Variants in CTNNA2 observed in about 807,000 individuals in gnomAD.
The protein encoded by CTNNA2 is catenin alpha 2.
A neutral mutation model predicts 101.0 loss-of-function variants in CTNNA2; 42 were observed. That is an observed-to-expected ratio of 0.42 (90% CI 0.32 to 0.54). The LOEUF is 0.54. CTNNA2 is among the 20% of genes least tolerant of loss of function. The probability of loss-of-function intolerance (pLI) is 0.14; values close to 1 mark genes in which losing one functional copy is unlikely to be tolerated. For synonymous variants in CTNNA2, 450 were observed against 456.4 expected (o/e 0.99, Z 0.18); for missense variants, 871 against 1,223.1 (o/e 0.71, Z 4.29).
At chr2:79,768,886 A>C (rs893167042) in intron 3 of CTNNA2, among the ~76,000 whole-genome samples, 6 of 151,874 alleles carry the variant, frequency 4.0e-5, no homozygotes, top group African/African-American at 1.5e-4. Flanking sequence ...ACTGAGTCTC[A>C]CTCTGTCGCC....
chr2:79,293,930 A>G (rs147737899), intron 2 of CTNNA2, among the ~76,000 whole-genome samples: 113 of 152,280 alleles, frequency 7.4e-4, no homozygotes, highest in African/African-American at 2.4e-3. Context: ...GGCCTCATCT[A>G]TAAAACGAGA....
intron 7 of CTNNA2, among the ~76,000 whole-genome samples, chr2:79,923,828 A>G (rs996882277): frequency 1.3e-5 from 2 of 152,116 alleles, no homozygotes; most frequent in African/African-American, 4.8e-5. Flanking sequence ...TCCACATAAA[A>G]TTGAGATTGT....
chr2:80,151,010 C>A (rs1331739102), intron 7 of CTNNA2, among the ~76,000 whole-genome samples: 1 of 152,134 alleles, frequency 6.6e-6, no homozygotes, highest in East Asian at 1.9e-4. Context: ...TGTCTAGAAT[C>A]CACAGAGGGC....
chr2:79,979,852 A>T (rs1274373634), intron 7 of CTNNA2, among the ~76,000 whole-genome samples: 1 of 152,178 alleles, frequency 6.6e-6, no homozygotes, highest in Non-Finnish European at 1.5e-5. Flanking sequence ...GCTTGGCTAG[A>T]TGTTGACTTA....
At chr2:80,041,701 A>G (rs192448664) in intron 7 of CTNNA2, among the ~76,000 whole-genome samples, 1 of 152,234 alleles carries the variant, frequency 6.6e-6, no homozygotes, top group Non-Finnish European at 1.5e-5. Context: ...TGGATAATAC[A>G]TAAAACAAAT....
At chr2:79,590,805 C>A (rs1463578021) in intron 1 of CTNNA2, among the ~76,000 whole-genome samples, 1 of 152,128 alleles carries the variant, frequency 6.6e-6, no homozygotes, top group African/African-American at 2.4e-5. Flanking sequence ...GAGAAAACAG[C>A]ACTGTGTTTT....
At chr2:79,259,480 A>C (rs2104284379) in intron 2 of CTNNA2, among the ~76,000 whole-genome samples, 1 of 152,304 alleles carries the variant, frequency 6.6e-6, no homozygotes, top group Admixed American at 6.5e-5. Context: ...CAAAAGTCCT[A>C]GTGTGGGTAG....
intron 7 of CTNNA2, among the ~76,000 whole-genome samples, chr2:80,102,700 C>G (rs1175691394): frequency 6.6e-6 from 1 of 151,928 alleles, no homozygotes; most frequent in Admixed American, 6.6e-5. Flanking sequence ...TTAGTAGAGA[C>G]GGGGTTTCAC....
chr2:80,226,907 T>C (rs537777275), intron 7 of CTNNA2, among the ~76,000 whole-genome samples: 2 of 152,260 alleles, frequency 1.3e-5, no homozygotes, highest in East Asian at 3.9e-4. Context: ...GTCACCCCCC[T>C]TCACTTTTAT....
chr2:79,847,863 C>A (rs185527656), intron 3 of CTNNA2, among the ~76,000 whole-genome samples: 2 of 152,102 alleles, frequency 1.3e-5, no homozygotes, highest in Non-Finnish European at 2.9e-5. Context: ...TTGATGCTCG[C>A]GTTATCTCTG....
At chr2:80,228,196 A>G (rs1272946014) in intron 7 of CTNNA2, among the ~76,000 whole-genome samples, 3 of 152,234 alleles carry the variant, frequency 2.0e-5, no homozygotes, top group Non-Finnish European at 4.4e-5. Flanking sequence ...CCATAATAAA[A>G]TATCTTTGAC....
chr2:79,249,759 C>T (rs557405083), intron 2 of CTNNA2, among the ~76,000 whole-genome samples: 17 of 152,270 alleles, frequency 1.1e-4, no homozygotes, highest in South Asian at 1.0e-3. Context: ...ATTAGACCTT[C>T]TTCTTGCATA....
At chr2:79,259,188 A>T (rs1573002810) in intron 2 of CTNNA2, among the ~76,000 whole-genome samples, 1 of 152,126 alleles carries the variant, frequency 6.6e-6, no homozygotes, top group East Asian at 1.9e-4. Context: ...AAAACTAATG[A>T]ATTGATCCCC....
intron 7 of CTNNA2, among the ~76,000 whole-genome samples, chr2:80,296,224 T>C (rs1328107748): frequency 6.6e-6 from 1 of 152,158 alleles, no homozygotes; most frequent in Non-Finnish European, 1.5e-5. Flanking sequence ...TAGAGGTTCA[T>C]CACCACCTCA....
At chr2:80,305,332 G>T in intron 7 of CTNNA2, 1 of 985,424 alleles carries the variant, frequency 1.0e-6, no homozygotes. Context: ...AGGTATGTCT[G>T]TGTGCAGGGA....
chr2:79,869,956 G>T (rs1682456904), intron 5 of CTNNA2, 21 bp downstream of exon 5: 1 of 1,611,534 alleles, frequency 6.2e-7, no homozygotes, highest in African/African-American at 1.3e-5. Flanking sequence ...TTTTAGAAAT[G>T]CTAGGGGAGA....
intron 7 of CTNNA2, among the ~76,000 whole-genome samples, chr2:80,374,905 A>G (rs766134033): frequency 3.9e-5 from 6 of 152,166 alleles, no homozygotes; most frequent in South Asian, 2.1e-4. Flanking sequence ...TTCAGCCCAC[A>G]TCACACCTCT....
intron 7 of CTNNA2, among the ~76,000 whole-genome samples, chr2:80,359,448 G>A (rs1182595419): frequency 1.3e-5 from 2 of 152,144 alleles, no homozygotes; most frequent in Non-Finnish European, 2.9e-5. Context: ...GAGCCTGGTG[G>A]GAGGTGATTG....
At chr2:79,336,137 G>T (rs1226752432) in intron 3 of CTNNA2, among the ~76,000 whole-genome samples, 1 of 152,152 alleles carries the variant, frequency 6.6e-6, no homozygotes, top group African/African-American at 2.4e-5. Flanking sequence ...ATTAGGATTG[G>T]TGCATAGCCT....
Sources: allele counts gnomAD v4.1 joint callset (sites outside exome capture counted in the v4.1 genomes callset), GRCh38; gene constraint gnomAD v4.1.1; transcripts MANE v1.5; gene names NCBI Gene and HGNC (gene_info 2026-07-23, HGNC 2026-07-21).